The following AGRN variants were observed in gnomAD, a reference collection of about 807,000 sequenced individuals.
AGRN encodes the protein agrin proteoglycan.
A neutral mutation model predicts 211.0 loss-of-function variants in AGRN; 106 were observed. The ratio of observed to expected loss-of-function variants is 0.50; its 90% confidence interval spans 0.43 to 0.59. AGRN has a LOEUF of 0.59. AGRN is among the 20% of genes least tolerant of loss of function. The pLI is 0.00. For synonymous variants in AGRN, 1,525 were observed against 1,332.5 expected (o/e 1.14, Z -3.15); for missense variants, 3,040 against 2,982.6 (o/e 1.02, Z -0.45).
intron 2 of AGRN, among the ~76,000 whole-genome samples, chr1:1,033,785 A>C (rs1170047076): frequency 2.3e-5 from 1 of 43,334 alleles, no homozygotes; most frequent in African/African-American, 9.0e-5. Context: ...GCCCAGCCCC[A>C]GCCCCAGCGC....
At position 1,041,568 on chromosome 1, in the gene AGRN, G is replaced by A; in HGVS notation, c.1043G>A (p.Ser348Asn). The A allele has an allele frequency of 6.2e-7, 1 of 1,610,026 alleles. No homozygotes were observed. The highest frequency in any genetic ancestry group is 2.2e-5 in the East Asian group (1 of 44,822). ...CCTGAGATGCTCCTACGGCCCGAGA[G>A]CTGCCCTGCCCGGCAGGCGCCAGTG... Reference protein sequence around the residue: ...RRPEMLLRPESCPARQAPVCG... With the variant: ...RRPEMLLRPENCPARQAPVCG... The change falls in exon 6 of 36, where the codon AGC becomes AAC. Residue 348 changes from serine to asparagine, a missense_variant. Coordinates refer to ENST00000379370, the MANE Select transcript of AGRN (RefSeq NM_198576.4).
At chr1:1,052,134 G>A in intron 33 of AGRN, 4 of 1,246,298 alleles carry the variant, frequency 3.2e-6, no homozygotes, top group Non-Finnish European at 4.3e-6. Context: ...GAGGATGGGG[G>A]TCCGGCGCTA....
Position 1,022,543 on chromosome 1 carries a change from C to CG in AGRN, c.463+85dup. 6.4e-6 allele frequency: 9 copies of CG among 1,412,276 alleles called. No homozygotes were observed. The South Asian group carries it at 1.1e-4, about 17-fold the overall frequency. 87.5% of individuals were successfully genotyped at this position (1,412,276 alleles called of 1,614,324 possible). On this transcript the variant is annotated intron_variant, in intron 2 of 35. Coordinates refer to ENST00000379370, the MANE Select transcript of AGRN (RefSeq NM_198576.4). ...GGGACAGGTTGCAGGGGTCGCTGTG[C>CG]GGGGTCCTTTCGTGCTGTGCCGGAG...
intron 8 of AGRN, 40 bp downstream of exon 8, chr1:1,043,497 G>A (rs1207134504): frequency 6.2e-7 from 1 of 1,601,948 alleles, no homozygotes; most frequent in Non-Finnish European, 8.5e-7. Flanking sequence ...GTCGGGGAGA[G>A]AGAGGTTCCT....
Position 1,043,476 on chromosome 1 carries a change from G to T in AGRN, c.1603+19G>T. 2 of 1,599,192 alleles carry T rather than the reference G, an allele frequency of 1.3e-6. No homozygotes were observed. On this transcript the variant is annotated intron_variant, in intron 8 of 35. Transcript: ENST00000379370. ...CCCTGTGGTCAGTGGCGGGTGAGGG[G>T]TCTGGTGGGGGTCGGGGAGAGAGAG...
chr1:1,051,248 C>T lies in AGRN; in HGVS notation c.5254-5C>T, dbSNP rs34708466. The T allele has an allele frequency of 3.7e-3, 5,835 of 1,580,848 alleles. 16 individuals carry two copies. Among genetic ancestry groups the T allele is most frequent in the Non-Finnish European group, 4.6e-3 (5,383 of 1,164,732 alleles). ...TGCACAGCCACTTACCTGGCGTCCCCGCAGGTTCCGCACACCGTCCTCAAC... is the reference window on the plus strand; with the variant it reads ...TGCACAGCCACTTACCTGGCGTCCCTGCAGGTTCCGCACACCGTCCTCAAC... On this transcript the variant is annotated splice_region_variant and splice_polypyrimidine_tract_variant and intron_variant, in intron 30 of 35. Coordinates refer to ENST00000379370, the MANE Select transcript of AGRN (RefSeq NM_198576.4).
chr1:1,049,172 G>A, intron 24 of AGRN, 64 bp from the exon 25 acceptor site: 4 of 1,242,238 alleles, frequency 3.2e-6, no homozygotes, highest in Non-Finnish European at 4.3e-6. Flanking sequence ...GGGCGGGGCA[G>A]CTCAGGTAGG....
intron 2 of AGRN, among the ~76,000 whole-genome samples, chr1:1,028,334 CCCGCCCT>C (rs1644567269): frequency 6.9e-6 from 1 of 145,088 alleles, no homozygotes; most frequent in African/African-American, 2.6e-5. Flanking sequence ...CCCCCCCCCC[CCCGCCCT>C]GCACCTGGCT....
chr1:1,039,318 G>A (rs1644872851), intron 3 of AGRN, among the ~76,000 whole-genome samples: 1 of 151,534 alleles, frequency 6.6e-6, no homozygotes, highest in Non-Finnish European at 1.5e-5. Context: ...GTGGGGGCAG[G>A]GACACCCAGA....
At chr1:1,052,844 C>T (rs1570255357) in intron 33 of AGRN, 1 of 152,392 alleles carries the variant, frequency 6.6e-6, no homozygotes, top group Admixed American at 6.5e-5. Context: ...AGTGTGTGTC[C>T]ATGGGTCCAT....
Position 1,048,504 on chromosome 1 carries a change from C to T in AGRN, c.4105+139C>T, listed in dbSNP as rs544557398. 11 of 768,596 alleles carry T rather than the reference C, an allele frequency of 1.4e-5. No homozygotes were observed. The highest frequency in any genetic ancestry group is 2.2e-5 in the Non-Finnish European group (11 of 499,160). 47.6% of individuals were successfully genotyped at this position (768,596 alleles called of 1,614,324 possible). A position where few individuals can be genotyped will look rare whatever the true frequency, so the allele number is the denominator to read the frequency against. Reference sequence around the variant, plus strand: ...GCGGGGTTTCGGCCAGATGCGGTGGCTCACGCCTGTAATCCCAGCACTTTG... The same window carrying T: ...GCGGGGTTTCGGCCAGATGCGGTGGTTCACGCCTGTAATCCCAGCACTTTG... On this transcript the variant is annotated intron_variant, in intron 23 of 35. Transcript: ENST00000379370. This position sits in a 1 kb window ranked among gnomAD's most constrained non-coding sequence, Gnocchi z 5.9.
chr1:1,021,193 T>C (rs910177692), intron 1 of AGRN, among the ~76,000 whole-genome samples: 1 of 152,006 alleles, frequency 6.6e-6, no homozygotes, highest in African/African-American at 2.4e-5. Flanking sequence ...ACAGCTGGGC[T>C]CCCCCGCCGG....
rs1190941372 is a variant in AGRN at position 1,045,844 on chromosome 1, G to A, written c.2648G>A (p.Gly883Asp). The A allele has an allele frequency of 6.2e-7, 1 of 1,611,716 alleles. No individual in the cohort carries two copies. Among genetic ancestry groups the A allele is most frequent in the Non-Finnish European group, 8.5e-7 (1 of 1,179,872 alleles). ...CCCAAGTGTGGGCAGTGTCCAGACG[G>A]CCGTGCCCTGGGCCCCGCGGGCTGT... ...AGPKCGQCPD[G>D]RALGPAGCEA... Residue 883 changes from glycine (G) to aspartate (D), a missense_variant, in exon 15 of 36, where the codon GGC (glycine) becomes GAC (aspartate). Physicochemically the swap from Gly to Asp is moderately conservative, Grantham distance 94 (BLOSUM62 -1). Around this residue, in one of 3 missense-constraint regions of AGRN, gnomAD observed 1,498 missense variants for 1,457.8 expected, o/e 1.03. Transcript: ENST00000379370.
intron 3 of AGRN, among the ~76,000 whole-genome samples, chr1:1,038,721 A>C (rs1407422714): frequency 6.6e-6 from 1 of 152,110 alleles, no homozygotes; most frequent in Non-Finnish European, 1.5e-5. Context: ...CCTGGGGGGA[A>C]CCATTGGTCC....
At chr1:1,038,020 G>A (rs1644842464) in intron 3 of AGRN, among the ~76,000 whole-genome samples, 1 of 152,208 alleles carries the variant, frequency 6.6e-6, no homozygotes, top group African/African-American at 2.4e-5. Context: ...AGAATGGGGG[G>A]GTGGGGCTTC....
chr1:1,034,930 A>C, intron 2 of AGRN: 5 of 400,292 alleles, frequency 1.2e-5, no homozygotes, highest in South Asian at 3.7e-5. Flanking sequence ...CTGGGGAGGG[A>C]GGGGCAGCCG....
Position 1,049,597 on chromosome 1 carries a change from C to T in AGRN, c.4546C>T (p.Leu1516=), listed in dbSNP as rs1645213379. The T allele has an allele frequency of 6.3e-7, 1 of 1,591,576 alleles. No homozygotes were observed. Residue 1516 remains leucine, a synonymous_variant, in exon 26 of 36, where the codon CTG becomes TTG. Transcript: ENST00000379370. ...GGAGCGGACCTTCGTGGGCGCCGGC[C>T]TGAGGGGGTGCATCCGTTTGCTGGA... The part of the protein sequence containing the change: ...ALERTFVGAG[L]RGCIRLLDVN...
At chr1:1,046,299 C>G (rs1177406359) in intron 17 of AGRN, 34 bp downstream of exon 17, 1 of 1,612,428 alleles carries the variant, frequency 6.2e-7, no homozygotes, top group Non-Finnish European at 8.5e-7. Context: ...CAGAACTGAC[C>G]AGGAAGGCCT....
At chr1:1,035,426 G>C in intron 3 of AGRN, 102 bp downstream of exon 3, 1 of 1,470,154 alleles carries the variant, frequency 6.8e-7, no homozygotes, top group African/African-American at 1.4e-5. Flanking sequence ...TGTGTCTGGA[G>C]TGAGGAGGAG....
Sources: gnomAD v4.1 joint callset for allele counts (sites outside exome capture counted in the v4.1 genomes callset) on GRCh38, gnomAD v4.1.1 for gene constraint, gnomAD v4.1.1 regional missense constraint, Gnocchi (gnomAD v3.1) non-coding constraint, MANE v1.5 for transcripts, NCBI Gene and HGNC (gene_info 2026-07-23, HGNC 2026-07-21) for gene names.